Variants in SLC2A7 observed in about 807,000 individuals in gnomAD.
SLC2A7 encodes the protein solute carrier family 2 member 7.
In SLC2A7, 50 loss-of-function variants were observed where a neutral mutation model predicts 50.5. That is an observed-to-expected ratio of 0.99 (90% CI 0.79 to 1.25). SLC2A7 has a LOEUF of 1.25. Ranked by LOEUF, SLC2A7 falls within the 50% of genes most tolerant of loss-of-function variation. The pLI is 0.00. For missense variants in SLC2A7, 683 were observed against 679.1 expected, an observed-to-expected ratio of 1.01 and a Z score of -0.06; for synonymous variants, 308 against 300.4, an observed-to-expected ratio of 1.03 and a Z score of -0.26.
At chr1:9,010,348 C>G (rs1239468274) in intron 8 of SLC2A7, 104 bp from the exon 9 acceptor site, 1 of 842,908 alleles carries the variant, frequency 1.2e-6, no homozygotes, top group African/African-American at 1.7e-5. Flanking sequence ...GTGCCCCTTT[C>G]TTTCTTTTGT....
chr1:8,993,961 CTTAT>C, the SLC2A7 span, among the ~76,000 whole-genome samples: 3 of 152,332 alleles, frequency 2.0e-5, no homozygotes, highest in South Asian at 4.1e-4. Flanking sequence ...AAGGGTACAA[CTTAT>C]GGCAAATTAA....
downstream of SLC2A7, among the ~76,000 whole-genome samples, chr1:9,000,533 C>T (rs1334876997): frequency 8.0e-5 from 12 of 150,738 alleles, 1 homozygote; most frequent in East Asian, 9.9e-4. Context: ...GCAGCTGAAT[C>T]GCTTGAATCT....
chr1:9,025,204 A>C, intron 1 of SLC2A7, 130 bp from the exon 2 acceptor site: 1 of 903,554 alleles, frequency 1.1e-6, no homozygotes, highest in South Asian at 1.5e-5. Context: ...TGCCCCCGGA[A>C]AAGAGGAGGA....
rs777214714 is a variant in SLC2A7, at chr1:9,013,601, G to A, written c.938C>T (p.Ala313Val). The change falls in exon 8 of 12, where the codon GCG becomes GTG. Residue 313 changes from alanine (A) to valine (V), a missense_variant. Transcript: ENST00000400906. The part of the protein sequence containing the change: ...NYYADTIYTS[A>V]GVEAAHSQYV... ...TTGGGAGTGAGCGGCCTCCACGCCC[G>A]CAGATGTGTAGATGGTGTCCGCATA... 32 of 1,614,080 alleles carry A rather than the reference G, an allele frequency of 2.0e-5. No homozygotes were observed. Among genetic ancestry groups the A allele is most frequent in the Admixed American group, 1.2e-4 (7 of 60,022 alleles).
At chr1:9,010,738 T>C (rs1640736951) in intron 8 of SLC2A7, among the ~76,000 whole-genome samples, 1 of 152,246 alleles carries the variant, frequency 6.6e-6, no homozygotes, top group Non-Finnish European at 1.5e-5. Flanking sequence ...ACATTCATGC[T>C]CTTCACCACC....
chr1:9,017,864 T>C (rs1640852729), intron 5 of SLC2A7, among the ~76,000 whole-genome samples: 1 of 152,172 alleles, frequency 6.6e-6, no homozygotes, highest in African/African-American at 2.4e-5. Flanking sequence ...GTGAACCTGC[T>C]TGCCCTGCAT....
chr1:8,996,496 G>A, the SLC2A7 span, among the ~76,000 whole-genome samples: 31 of 152,328 alleles, frequency 2.0e-4, no homozygotes, highest in African/African-American at 7.5e-4. Flanking sequence ...TTGTGTGCAT[G>A]TCTTTGTTTA....
intron 2 of SLC2A7, 37 bp downstream of exon 2, chr1:9,024,939 T>C: frequency 1.3e-6 from 2 of 1,587,124 alleles, no homozygotes; most frequent in Non-Finnish European, 8.6e-7. Flanking sequence ...CCCGGTCAGC[T>C]GCTGCCCGGC....
intron 11 of SLC2A7, 24 bp downstream of exon 11, chr1:9,004,728 G>A: frequency 6.2e-7 from 1 of 1,613,466 alleles, no homozygotes; most frequent in Non-Finnish European, 8.5e-7. Flanking sequence ...GGTGGAGCGG[G>A]TTGGGGAAGG....
chr1:9,016,470 A>G (rs569598387), intron 5 of SLC2A7, among the ~76,000 whole-genome samples: 28 of 152,218 alleles, frequency 1.8e-4, no homozygotes, highest in Admixed American at 9.2e-4. Context: ...AGAGCTGGGC[A>G]TGGTGGTGTG....
intron 1 of SLC2A7, 113 bp downstream of exon 1, chr1:9,026,182 G>A: frequency 8.5e-7 from 1 of 1,182,424 alleles, no homozygotes; most frequent in South Asian, 1.3e-5. Flanking sequence ...GAAGAAAAAG[G>A]AAGCACGCTA....
Position 9,004,729 on chromosome 1 carries a change from T to C in SLC2A7, c.1320+23A>G. On this transcript the variant is annotated intron_variant, in intron 11 of 11. Transcript: ENST00000400906. ...CTCCCTGGAGGCCCGGTGGAGCGGG[T>C]TGGGGAAGGGGCCCTCACTCACCTG... The C allele has an allele frequency of 1.9e-6, 3 of 1,612,870 alleles. No homozygotes were observed. The East Asian group carries it at 6.7e-5, about 36-fold the overall frequency.
At chr1:9,003,813 G>A (rs61785778) in intron 11 of SLC2A7, among the ~76,000 whole-genome samples, 33,414 of 151,998 alleles carry the variant, frequency 0.22, 3,976 homozygotes, top group Non-Finnish European at 0.27. Context: ...AGCCAAGATC[G>A]CGCTACTGCA....
intron 7 of SLC2A7, 108 bp downstream of exon 7, chr1:9,014,573 C>T (rs2124252492): frequency 2.2e-6 from 3 of 1,371,888 alleles, no homozygotes; most frequent in Non-Finnish European, 3.0e-6. Flanking sequence ...CTGGACTGAT[C>T]CTGGCCCCAC....
intron 9 of SLC2A7, 112 bp downstream of exon 9, chr1:9,010,031 G>C (rs1230096126): frequency 1.1e-6 from 1 of 897,462 alleles, no homozygotes; most frequent in African/African-American, 1.7e-5. Context: ...CAGGATGCAT[G>C]CCATCAGTGG....
At chr1:9,014,253 TAGATAC>T (rs1160501327) in intron 7 of SLC2A7, among the ~76,000 whole-genome samples, 1 of 152,164 alleles carries the variant, frequency 6.6e-6, no homozygotes, top group African/African-American at 2.4e-5. Context: ...ACACCATGGT[TAGATAC>T]AGTTACAGCC....
At chr1:9,001,789 A>G (rs1022836064), downstream of SLC2A7, among the ~76,000 whole-genome samples, 43 of 152,202 alleles carry the variant, frequency 2.8e-4, no homozygotes, top group African/African-American at 9.6e-4. Flanking sequence ...TGGACTGGGA[A>G]TGGTCTTACT....
intron 3 of SLC2A7, among the ~76,000 whole-genome samples, chr1:9,020,820 G>A (rs1490461762): frequency 1.3e-5 from 2 of 152,014 alleles, no homozygotes; most frequent in Non-Finnish European, 2.9e-5. Flanking sequence ...GTGTGGGAGG[G>A]ACCTGGTGGC....
chr1:8,997,346 C>A, the SLC2A7 span, among the ~76,000 whole-genome samples: 1 of 152,086 alleles, frequency 6.6e-6, no homozygotes, highest in Admixed American at 6.6e-5. Flanking sequence ...AAAACACAAT[C>A]TTTTGCCCAT....
Sources: gnomAD v4.1 joint callset for allele counts (sites outside exome capture counted in the v4.1 genomes callset) on GRCh38, gnomAD v4.1.1 for gene constraint, MANE v1.5 for transcripts, NCBI Gene and HGNC (gene_info 2026-07-23, HGNC 2026-07-21) for gene names.